The following ADGRB3 variants were observed in gnomAD, a reference collection of about 807,000 sequenced individuals.
The protein encoded by ADGRB3 is brain-specific angiogenesis inhibitor 3.
In ADGRB3, 37 loss-of-function variants were observed where a neutral mutation model predicts 193.4. That is an observed-to-expected ratio of 0.19 (90% CI 0.15 to 0.25). The LOEUF is 0.25. ADGRB3 is among the 10% of genes least tolerant of loss of function. The probability of loss-of-function intolerance (pLI) is 1.00; values close to 1 mark genes in which losing one functional copy is unlikely to be tolerated. For synonymous variants in ADGRB3, 690 were observed against 644.2 expected (o/e 1.07, Z -1.08); for missense variants, 1,637 against 1,852.9 (o/e 0.88, Z 2.14).
At chr6:68,969,408 G>A (rs1229115279) in intron 8 of ADGRB3, among the ~76,000 whole-genome samples, 2 of 152,160 alleles carry the variant, frequency 1.3e-5, no homozygotes, top group Admixed American at 6.5e-5. Context: ...CTGCTGCATA[G>A]GAGAGTAAAT....
rs75310863 is a variant in ADGRB3 at position 68,667,165 on chromosome 6, A to G, written c.757+27733A>G. Among the ~76,000 whole-genome samples, 505 of 152,042 alleles carry G rather than the reference A, an allele frequency of 3.3e-3. 9 individuals carry two copies. The highest frequency in any genetic ancestry group is 9.1e-3 in the African/African-American group (379 of 41,520). Reference sequence around the variant, plus strand: ...TAACTTTTATAAAATATAAAGATCAAACTGGTATCATTGGCTAAGTTCAAC... The same window carrying G: ...TAACTTTTATAAAATATAAAGATCAGACTGGTATCATTGGCTAAGTTCAAC... On this transcript the variant is annotated intron_variant, in intron 3 of 31. Transcript: ENST00000370598.
chr6:69,163,687 A>G (rs141952620), intron 17 of ADGRB3, among the ~76,000 whole-genome samples: 4 of 152,208 alleles, frequency 2.6e-5, no homozygotes, highest in African/African-American at 9.6e-5. Flanking sequence ...AGCTGGTTGA[A>G]TTGTAAATAC....
chr6:68,807,505 G>C lies in ADGRB3; in HGVS notation c.758-123054G>C, dbSNP rs552320070. Among the ~76,000 whole-genome samples the C allele has an allele frequency of 2.6e-5, 4 of 152,030 alleles. No homozygotes were observed. The South Asian group carries it at 8.3e-4, about 32-fold the overall frequency. ...TTTCCCCGCCTCAGCCTCCCAAAGT[G>C]CTGAGATTACAGGCGTGAGCCACCG... is the stretch of plus-strand genomic sequence containing the variant. On this transcript the variant is annotated intron_variant, in intron 3 of 31. Transcript: ENST00000370598.
intron 15 of ADGRB3, among the ~76,000 whole-genome samples, chr6:69,057,522 T>TTTTGG (rs1771579147): frequency 6.6e-6 from 1 of 151,808 alleles, no homozygotes; most frequent in Admixed American, 6.6e-5. Flanking sequence ...TTTTGTTTTG[T>TTTTGG]TTTGTTTTGT....
At chr6:69,041,987 G>A (rs767252441) in intron 13 of ADGRB3, among the ~76,000 whole-genome samples, 5 of 152,162 alleles carry the variant, frequency 3.3e-5, no homozygotes, top group Non-Finnish European at 7.3e-5. Context: ...CATGTGTCCT[G>A]GGAGGGGCCA....
At chr6:68,869,430 A>G (rs1554210060) in intron 3 of ADGRB3, among the ~76,000 whole-genome samples, 3 of 152,150 alleles carry the variant, frequency 2.0e-5, no homozygotes, top group Non-Finnish European at 4.4e-5. Context: ...TGATAATTAT[A>G]TCTACAGAAG....
At chr6:69,266,695 A>G (rs1021495931) in intron 20 of ADGRB3, among the ~76,000 whole-genome samples, 36 of 152,056 alleles carry the variant, frequency 2.4e-4, no homozygotes, top group African/African-American at 7.0e-4. Flanking sequence ...TATATTGATT[A>G]TATATAAATT....
chr6:69,232,358 C>T (rs1371232003), intron 17 of ADGRB3: 40 of 1,360,594 alleles, frequency 2.9e-5, no homozygotes, highest in Middle Eastern at 1.9e-4. Context: ...ACGAACAAGA[C>T]GTAGGTTGAT....
At chr6:68,833,760 C>T (rs1157986087) in intron 3 of ADGRB3, among the ~76,000 whole-genome samples, 2 of 152,034 alleles carry the variant, frequency 1.3e-5, no homozygotes, top group Middle Eastern at 3.4e-3. Context: ...CAATTCATAA[C>T]TTACACATCA....
At chr6:68,854,162 GCATTTGT>G (rs1026350852) in intron 3 of ADGRB3, among the ~76,000 whole-genome samples, 39 of 152,190 alleles carry the variant, frequency 2.6e-4, no homozygotes, top group African/African-American at 8.9e-4. Flanking sequence ...TCTTTCTAAA[GCATTTGT>G]CATTTCCTTC....
intron 3 of ADGRB3, among the ~76,000 whole-genome samples, chr6:68,875,531 G>A (rs1158031055): frequency 4.6e-5 from 7 of 151,506 alleles, no homozygotes; most frequent in Non-Finnish European, 8.8e-5. Flanking sequence ...TTTAGTACTG[G>A]ACTTTTCTTA....
In ADGRB3 at chr6:69,266,446, A is replaced by G. The variant is rs533043841; in HGVS notation, c.2814+27220A>G. On this transcript the variant is annotated intron_variant, in intron 20 of 31. Transcript: ENST00000370598. ...GAAAATACCCCTTGAGACCTAATAC[A>G]AATTACTATTTCTAGAGAGTTAGCA... 2.9e-3 allele frequency among the ~76,000 whole-genome samples: 440 copies of G among 152,128 alleles called. 3 individuals carry two copies. Among genetic ancestry groups the G allele is most frequent in the Non-Finnish European group, 4.2e-3 (287 of 67,932 alleles).
At chr6:68,847,929 A>G (rs1768314381) in intron 3 of ADGRB3, among the ~76,000 whole-genome samples, 1 of 152,090 alleles carries the variant, frequency 6.6e-6, no homozygotes, top group African/African-American at 2.4e-5. Flanking sequence ...AAAGAATAGA[A>G]AAAAAGAAGA....
chr6:69,190,923 A>G (rs1330715384), intron 17 of ADGRB3, among the ~76,000 whole-genome samples: 1 of 147,576 alleles, frequency 6.8e-6, no homozygotes, highest in Admixed American at 6.8e-5. Flanking sequence ...TGTACCATAT[A>G]GGTGTGTAGT....
At chr6:68,749,615 T>C (rs545224521) in intron 3 of ADGRB3, among the ~76,000 whole-genome samples, 2 of 152,270 alleles carry the variant, frequency 1.3e-5, no homozygotes, top group South Asian at 2.1e-4. Flanking sequence ...TTACTCTGGC[T>C]GTCAAGAAAA....
intron 20 of ADGRB3, among the ~76,000 whole-genome samples, chr6:69,279,501 T>C (rs1767386996): frequency 6.6e-6 from 1 of 152,038 alleles, no homozygotes; most frequent in African/African-American, 2.4e-5. Flanking sequence ...TCTTAAGTAA[T>C]GATGCTTTCT....
intron 26 of ADGRB3, among the ~76,000 whole-genome samples, chr6:69,340,664 G>C (rs991533797): frequency 1.3e-5 from 2 of 151,944 alleles, no homozygotes; most frequent in South Asian, 2.1e-4. Flanking sequence ...TGTGCAGAAC[G>C]TGCAGGTTTG....
At chr6:69,282,890 A>G (rs1170060523) in intron 20 of ADGRB3, among the ~76,000 whole-genome samples, 1 of 152,218 alleles carries the variant, frequency 6.6e-6, no homozygotes, top group East Asian at 1.9e-4. Flanking sequence ...AAGATACCTG[A>G]AAGTCAGGAG....
At chr6:68,908,339 T>A (rs980290692) in intron 3 of ADGRB3, among the ~76,000 whole-genome samples, 2 of 152,230 alleles carry the variant, frequency 1.3e-5, no homozygotes, top group Non-Finnish European at 1.5e-5. Context: ...CCAAATCTAG[T>A]AACCTTCTGA....
Sources: allele counts gnomAD v4.1 joint callset (sites outside exome capture counted in the v4.1 genomes callset), GRCh38; gene constraint gnomAD v4.1.1; transcripts MANE v1.5; gene names NCBI Gene and HGNC (gene_info 2026-07-23, HGNC 2026-07-21).